MYLK3: variants seen among roughly 807,000 people sequenced by gnomAD.
MYLK3 encodes the protein myosin light chain kinase 3.
In MYLK3, 55 loss-of-function variants were observed where a neutral mutation model predicts 76.3. The observed-to-expected ratio is 0.72, with a 90% CI of 0.58 to 0.90. The LOEUF is 0.90. Among genes scored for constraint, MYLK3 ranks in the 40% least tolerant of loss-of-function variants. MYLK3 has a pLI of 0.00. For synonymous variants in MYLK3, 416 were observed against 425.4 expected, an observed-to-expected ratio of 0.98 and a Z score of 0.27; for missense variants, 973 against 1,053.6, an observed-to-expected ratio of 0.92 and a Z score of 1.06.
Position 46,735,206 on chromosome 16 carries a change from T to C in MYLK3, c.1001+2505A>G, listed in dbSNP as rs759762812. Among the ~76,000 whole-genome samples, 65 of 151,870 alleles carry C rather than the reference T, an allele frequency of 4.3e-4. 1 individual carries two copies. Among genetic ancestry groups the C allele is most frequent in the Non-Finnish European group, 7.9e-4 (54 of 67,974 alleles). On this transcript the variant is annotated intron_variant, in intron 3 of 12. Transcript: ENST00000394809. ...ACATTATGTGGTTTTTACCCCTATT[T>C]ATTTATTTATTTATTTGCAACAAAG...
intron 9 of MYLK3, among the ~76,000 whole-genome samples, chr16:46,717,593 C>T (rs534890780): frequency 6.0e-5 from 9 of 151,178 alleles, no homozygotes; most frequent in Non-Finnish European, 5.9e-5. Flanking sequence ...TCACAGGGCG[C>T]CCCCCCCACC....
chr16:46,736,892 G>GA lies in MYLK3; in HGVS notation c.1001+818_1001+819insT, dbSNP rs201723933. ...CGTGCTGGGGAGGGCATGAGAGTCT[G>GA]CGGGTTCTTTACTCTGCTACAGACA... On this transcript the variant is annotated intron_variant, in intron 3 of 12. Coordinates refer to ENST00000394809, the MANE Select transcript of MYLK3 (RefSeq NM_182493.3). Among the ~76,000 whole-genome samples, 1,283 of 152,272 alleles carry GA rather than the reference G, an allele frequency of 8.4e-3. 23 individuals carry two copies. Among genetic ancestry groups the GA allele is most frequent in the African/African-American group, 0.029 (1,215 of 41,542 alleles).
At chr16:46,730,035 C>A (rs1385627918) in intron 5 of MYLK3, 1 of 409,886 alleles carries the variant, frequency 2.4e-6, no homozygotes, top group Non-Finnish European at 4.5e-6. Flanking sequence ...CCATCCTGCA[C>A]CCCAGGGAAC....
intron 1 of MYLK3, among the ~76,000 whole-genome samples, chr16:46,755,906 C>CTTTTTTTTTTTTTTTTT (rs772833701): frequency 9.1e-6 from 1 of 109,772 alleles, no homozygotes; most frequent in Admixed American, 1.1e-4. Flanking sequence ...TTTTTTCTTT[C>CTTTTTTTTTTTTTTTTT]TTTTTTTTTT....
chr16:46,741,700 T>G (rs1966933362), intron 1 of MYLK3, among the ~76,000 whole-genome samples: 1 of 152,050 alleles, frequency 6.6e-6, no homozygotes, highest in Non-Finnish European at 1.5e-5. Context: ...TCCCCTGCCT[T>G]GCCACAGAAG....
intron 1 of MYLK3, among the ~76,000 whole-genome samples, chr16:46,756,876 G>A (rs536807829): frequency 2.6e-5 from 4 of 152,140 alleles, no homozygotes; most frequent in Admixed American, 6.5e-5. Context: ...CGATTGGAAC[G>A]GCCATCCTTA....
At chr16:46,746,577 T>G (rs760041105) in intron 1 of MYLK3, among the ~76,000 whole-genome samples, 10 of 152,056 alleles carry the variant, frequency 6.6e-5, no homozygotes, top group Non-Finnish European at 1.5e-4. Flanking sequence ...TGTGCCACAA[T>G]GCCTGGTAAA....
Position 46,732,202 on chromosome 16 carries a change from AC to A in MYLK3, c.1462+5del. ...TCGTGTCTAGCCAGGCAACAGCCCC[AC>A]TTACCCAGAACCACGCTGCCAGCCT... is the stretch of plus-strand genomic sequence containing the variant. On this transcript the variant is annotated splice_donor_5th_base_variant and intron_variant, in intron 4 of 12. Transcript: ENST00000394809. 1 of 1,570,956 alleles carries A rather than the reference AC, an allele frequency of 6.4e-7. No individual in the cohort carries two copies. Among genetic ancestry groups the A allele is most frequent in the Admixed American group, 1.7e-5 (1 of 57,806 alleles).
At chr16:46,762,400 C>A (rs1037782903) in intron 1 of MYLK3, among the ~76,000 whole-genome samples, 19 of 152,004 alleles carry the variant, frequency 1.2e-4, no homozygotes, top group Admixed American at 4.6e-4. Context: ...TCACCTAGAG[C>A]CAGAGGAATT....
intron 9 of MYLK3, among the ~76,000 whole-genome samples, chr16:46,719,398 G>A (rs1297657982): frequency 6.6e-6 from 1 of 152,116 alleles, no homozygotes; most frequent in Non-Finnish European, 1.5e-5. Flanking sequence ...AATCCTGGAG[G>A]AATCCTAGAA....
At chr16:46,716,497 ATGTGTGTGTG>A (rs869246629) in intron 9 of MYLK3, among the ~76,000 whole-genome samples, 27 of 21,602 alleles carry the variant, frequency 1.2e-3, no homozygotes, top group African/African-American at 1.8e-3. Context: ...GTGTATATAT[ATGTGTGTGTG>A]TGTGTGTGTG....
rs1454718021 is a variant in MYLK3, at chr16:46,704,213, T to C, written c.*3491A>G. On this transcript the variant is annotated 3_prime_UTR_variant, in exon 13 of 13. Coordinates refer to ENST00000394809, the MANE Select transcript of MYLK3 (RefSeq NM_182493.3). The stretch of plus-strand genomic sequence containing the variant: ...CAACCCCTGCCTCCTGTTTAAGTGA[T>C]TCTTGTGCCTTAGCCTCCCAAGTAG... The C allele has an allele frequency of 1.3e-5, 2 of 151,886 alleles. No individual in the cohort carries two copies. Among genetic ancestry groups the C allele is most frequent in the Non-Finnish European group, 2.9e-5 (2 of 68,042 alleles). The allele number at this position is 151,886 out of a possible 1,614,324, so 9.4% of individuals were successfully genotyped here. A position where few individuals can be genotyped will look rare whatever the true frequency, so the allele number is the denominator to read the frequency against.
chr16:46,713,199 C>CTTTT (rs11408687), intron 9 of MYLK3, among the ~76,000 whole-genome samples: 1 of 137,840 alleles, frequency 7.3e-6, no homozygotes, highest in African/African-American at 2.7e-5. Flanking sequence ...TATATGATGC[C>CTTTT]TTTTTTTTTT....
In MYLK3 at chr16:46,727,259, A is replaced by G; in HGVS notation, c.1891T>C (p.Tyr631His). The G allele has an allele frequency of 6.2e-7, 1 of 1,614,022 alleles. No homozygotes were observed. The highest frequency in any genetic ancestry group is 1.1e-5 in the South Asian group (1 of 91,068). Residue 631 changes from tyrosine to histidine, a missense_variant, in exon 8 of 13, where the codon TAC becomes CAC. Physicochemically the swap from Tyr to His is moderately conservative, Grantham distance 83. This residue lies in a region of MYLK3 where 332 missense variants were observed against 416.6 expected (regional missense o/e 0.80). Transcript: ENST00000394809. ...ACCTTGAGGTCCAGGTGCAGGATGT[A>G]GTGCTGGTGCAGGTAATGCACACCC... ...CEGVHYLHQH[Y>H]ILHLDLKPEN...
chr16:46,735,928 G>C (rs1225081627), intron 3 of MYLK3, among the ~76,000 whole-genome samples: 1 of 152,248 alleles, frequency 6.6e-6, no homozygotes, highest in Non-Finnish European at 1.5e-5. Context: ...CCATGTGGCA[G>C]ACTCACGGCA....
At chr16:46,709,326 G>A (rs1366885554) in intron 12 of MYLK3, among the ~76,000 whole-genome samples, 1 of 152,040 alleles carries the variant, frequency 6.6e-6, no homozygotes, top group Non-Finnish European at 1.5e-5. Flanking sequence ...GGAGGCTGAG[G>A]TGGGAGGATT....
chr16:46,711,096 C>A, intron 10 of MYLK3: 1 of 360,066 alleles, frequency 2.8e-6, no homozygotes, highest in Non-Finnish European at 5.2e-6. Context: ...GCCCAGTTAT[C>A]AAGTACACAT....
Position 46,710,780 on chromosome 16 carries a change from G to T in MYLK3, c.2124C>A (p.Gly708=), listed in dbSNP as rs146268415. 143 of 1,613,968 alleles carry T rather than the reference G, an allele frequency of 8.9e-5. 1 individual carries two copies. The highest frequency in any genetic ancestry group is 1.2e-4 in the Non-Finnish European group (138 of 1,180,022). The change falls in exon 11 of 13, where the codon GGC becomes GGA. Residue 708 remains glycine, a synonymous_variant. Coordinates refer to ENST00000394809, the MANE Select transcript of MYLK3 (RefSeq NM_182493.3). The stretch of plus-strand genomic sequence containing the variant: ...CTGTTTCCCCTAGAAATGGGGACAA[G>T]CCACTGAGTCTATAGAAGAGAGAAA... ...VGVITYMLLS[G]LSPFLGETDA... is the part of the protein sequence containing the mutation.
At chr16:46,712,574 T>G (rs1966694919) in intron 10 of MYLK3, 74 bp downstream of exon 10, 1 of 1,345,464 alleles carries the variant, frequency 7.4e-7, no homozygotes, top group African/African-American at 1.5e-5. Flanking sequence ...GCTCAAAATT[T>G]TGCTTCTAAG....
Sources: allele counts gnomAD v4.1 joint callset (sites outside exome capture counted in the v4.1 genomes callset), GRCh38; gene constraint gnomAD v4.1.1; regional missense constraint gnomAD v4.1.1; transcripts MANE v1.5; gene names NCBI Gene and HGNC (gene_info 2026-07-23, HGNC 2026-07-21).